The following TGFBR3 variants were observed in gnomAD, a reference collection of about 807,000 sequenced individuals.
TGFBR3 encodes transforming growth factor beta receptor type 3.
Under a neutral mutation model 87.9 loss-of-function variants are expected in TGFBR3, and 46 were observed. That is an observed-to-expected ratio of 0.52 (90% CI 0.41 to 0.67). The LOEUF is 0.67. Ranked by LOEUF, TGFBR3 falls within the 30% of genes least tolerant of loss-of-function variation. The pLI, the probability that TGFBR3 is intolerant of heterozygous loss-of-function variation, is 0.00. For missense variants in TGFBR3, 866 were observed against 1,041.9 expected, an observed-to-expected ratio of 0.83 and a Z score of 2.32; for synonymous variants, 381 against 391.6, an observed-to-expected ratio of 0.97 and a Z score of 0.32.
At chr1:91,800,328 A>ATGTGTGTGTGTG (rs386417805) in intron 2 of TGFBR3, among the ~76,000 whole-genome samples, 14 of 122,578 alleles carry the variant, frequency 1.1e-4, no homozygotes, top group African/African-American at 2.9e-4. Flanking sequence ...ATATATGTGT[A>ATGTGTGTGTGTG]TATGTGTGTG....
intron 5 of TGFBR3, among the ~76,000 whole-genome samples, chr1:91,733,034 T>C (rs998142597): frequency 6.6e-6 from 1 of 152,232 alleles, no homozygotes; most frequent in African/African-American, 2.4e-5. Flanking sequence ...TTAGAGTCTT[T>C]ATTAAAAGAA....
At chr1:91,821,502 A>G (rs1312207612) in intron 2 of TGFBR3, among the ~76,000 whole-genome samples, 1 of 152,236 alleles carries the variant, frequency 6.6e-6, no homozygotes, top group Non-Finnish European at 1.5e-5. Flanking sequence ...ACCAAAGCCA[A>G]TGCTAGTTGA....
chr1:91,738,364 C>T (rs1673035801), intron 4 of TGFBR3, among the ~76,000 whole-genome samples: 1 of 152,166 alleles, frequency 6.6e-6, no homozygotes, highest in Non-Finnish European at 1.5e-5. Flanking sequence ...TAACCCCCAA[C>T]GTTTCACATG....
chr1:91,840,302 A>G lies in TGFBR3; in HGVS notation c.61+21169T>C, dbSNP rs1180420484. On this transcript the variant is annotated intron_variant, in intron 2 of 16. Transcript: ENST00000212355. The stretch of plus-strand genomic sequence containing the variant: ...ATGCCACTGCATTCCAGCCTGGGCA[A>G]CAGAGCAAGACTCTGTCAAAAAAAA... Among the ~76,000 whole-genome samples the G allele has an allele frequency of 2.6e-5, 4 of 151,720 alleles. No individual in the cohort carries two copies. The East Asian group carries it at 7.7e-4, about 29-fold the overall frequency.
At chr1:91,838,832 C>T (rs1386668396) in intron 2 of TGFBR3, among the ~76,000 whole-genome samples, 1 of 152,138 alleles carries the variant, frequency 6.6e-6, no homozygotes, top group Non-Finnish European at 1.5e-5. Flanking sequence ...AAATGTCTGG[C>T]TTAATACAAG....
chr1:91,877,814 T>C lies in TGFBR3; in HGVS notation c.-114+8064A>G, dbSNP rs1391593438. Among the ~76,000 whole-genome samples the C allele has an allele frequency of 9.9e-5, 15 of 152,198 alleles. 1 individual carries two copies. The highest frequency in any genetic ancestry group is 8.5e-4 in the Admixed American group (13 of 15,268). ...TTACAAAATGGGCTGTTGGCATAAG[T>C]ATTTTTTTCAGGATTCAGATGATTT... is the stretch of plus-strand genomic sequence containing the variant. On this transcript the variant is annotated intron_variant, in intron 1 of 16. Coordinates refer to ENST00000212355, the MANE Select transcript of TGFBR3 (RefSeq NM_003243.5).
chr1:91,781,580 A>G, intron 3 of TGFBR3, among the ~76,000 whole-genome samples: 1 of 152,226 alleles, frequency 6.6e-6, no homozygotes, highest in East Asian at 1.9e-4. Flanking sequence ...ATGAGTCATA[A>G]AAAATAGGAA....
intron 2 of TGFBR3, among the ~76,000 whole-genome samples, chr1:91,811,193 C>G (rs1676018284): frequency 6.6e-6 from 1 of 152,112 alleles, no homozygotes; most frequent in South Asian, 2.1e-4. Context: ...CACCTGTAGT[C>G]CCATCTACTC....
At chr1:91,879,206 T>A (rs1021948927) in intron 1 of TGFBR3, among the ~76,000 whole-genome samples, 5 of 151,824 alleles carry the variant, frequency 3.3e-5, no homozygotes, top group African/African-American at 1.2e-4. Context: ...GAGGCAGAGG[T>A]TGCAGTGAGC....
intron 5 of TGFBR3, 44 bp from the exon 6 acceptor site, chr1:91,730,017 G>A (rs773316688): frequency 1.4e-5 from 23 of 1,609,136 alleles, no homozygotes; most frequent in South Asian, 4.4e-5. Flanking sequence ...TGAGGTACTC[G>A]GTAACCAGAT....
intron 4 of TGFBR3, among the ~76,000 whole-genome samples, chr1:91,758,235 C>T (rs75222299): frequency 5.3e-5 from 8 of 152,136 alleles, no homozygotes; most frequent in Non-Finnish European, 7.4e-5. Context: ...AGTATGGGTC[C>T]GTGCATATTC....
intron 12 of TGFBR3, among the ~76,000 whole-genome samples, chr1:91,714,993 A>G (rs775395653): frequency 2.6e-5 from 4 of 152,208 alleles, no homozygotes; most frequent in Admixed American, 6.5e-5. Context: ...GTCTTTCCAA[A>G]ACAGAAACAC....
intron 16 of TGFBR3, among the ~76,000 whole-genome samples, chr1:91,687,333 CA>C (rs1190730903): frequency 4.6e-5 from 7 of 152,066 alleles, no homozygotes; most frequent in African/African-American, 1.7e-4. Flanking sequence ...CTGTCTCTAC[CA>C]GGGGGAAGAA....
intron 3 of TGFBR3, among the ~76,000 whole-genome samples, chr1:91,790,788 G>A (rs551629435): frequency 3.9e-5 from 6 of 152,262 alleles, no homozygotes; most frequent in African/African-American, 1.4e-4. Context: ...AAATGCCCCA[G>A]ATAGAGAAAA....
Position 91,858,622 on chromosome 1 carries a change from AAAAAAAAAAAAC to A in TGFBR3, c.61+2837_61+2848del, listed in dbSNP as rs1202828376. 1.4e-3 allele frequency among the ~76,000 whole-genome samples: 218 copies of A among 151,464 alleles called. 1 individual carries two copies. Among genetic ancestry groups the A allele is most frequent in the African/African-American group, 5.1e-3 (212 of 41,220 alleles). Reference sequence around the variant, plus strand: ...TGAGACTCTGTCTCAAAAAAAAAAAAAAAAAAAAAAACAAAATTTCCCTCTTCTTCATTCATT... The same window carrying A: ...TGAGACTCTGTCTCAAAAAAAAAAAAAAAATTTCCCTCTTCTTCATTCATT... On this transcript the variant is annotated intron_variant, in intron 2 of 16. Transcript: ENST00000212355.
Position 91,758,758 on chromosome 1 carries a change from G to T in TGFBR3, c.247-8C>A. 6.2e-7 allele frequency: 1 copy of T among 1,613,818 alleles called. No individual in the cohort carries two copies. The highest frequency in any genetic ancestry group is 1.3e-5 in the African/African-American group (1 of 74,998). ...ATTCAGGTGAAGTGTGACCTAGGAA[G>T]CAACAGAAAGAGGGCAGAAATCTTA... is the stretch of plus-strand genomic sequence containing the variant. On this transcript the variant is annotated splice_polypyrimidine_tract_variant and splice_region_variant and intron_variant, in intron 3 of 16. Transcript: ENST00000212355.
chr1:91,896,623 A>T (rs1181355105), intron 2 of TGFBR3, among the ~76,000 whole-genome samples: 5 of 152,194 alleles, frequency 3.3e-5, no homozygotes, highest in Non-Finnish European at 7.3e-5. Flanking sequence ...GGCTGGAGCA[A>T]ATAAGCCTGC....
chr1:91,783,612 C>T (rs1674852537), intron 3 of TGFBR3, among the ~76,000 whole-genome samples: 1 of 152,214 alleles, frequency 6.6e-6, no homozygotes, highest in Admixed American at 6.5e-5. Context: ...ACACAACTTC[C>T]TGTAGGATTC....
chr1:91,768,212 C>CAAA (rs3039442), intron 3 of TGFBR3, among the ~76,000 whole-genome samples: 28,180 of 126,890 alleles, frequency 0.22, 3,324 homozygotes, highest in Non-Finnish European at 0.28. Flanking sequence ...AACTCCATCT[C>CAAA]AAAAAAAAAA....
Sources: allele counts gnomAD v4.1 joint callset (sites outside exome capture counted in the v4.1 genomes callset), GRCh38; gene constraint gnomAD v4.1.1; transcripts MANE v1.5; gene names NCBI Gene and HGNC (gene_info 2026-07-23, HGNC 2026-07-21).